VPS35L: variants seen among roughly 807,000 people sequenced by gnomAD.
VPS35L encodes the protein VPS35 endosomal protein sorting factor like.
Under a neutral mutation model 133.0 loss-of-function variants are expected in VPS35L, and 83 were observed. The ratio of observed to expected loss-of-function variants is 0.62; its 90% confidence interval spans 0.52 to 0.75. The LOEUF (loss-of-function observed/expected upper bound fraction) is 0.75. Among genes scored for constraint, VPS35L ranks in the 30% least tolerant of loss-of-function variants. VPS35L has a pLI of 0.00. For synonymous variants in VPS35L, 423 were observed against 449.9 expected (o/e 0.94, Z 0.76); for missense variants, 1,083 against 1,206.8 (o/e 0.90, Z 1.52).
chr16:19,639,713 G>A lies in VPS35L; in HGVS notation c.1699-302G>A, dbSNP rs538316769. Among the ~76,000 whole-genome samples, 3 of 152,216 alleles carry A rather than the reference G, an allele frequency of 2.0e-5. 1 individual carries two copies. The South Asian group carries it at 6.2e-4, about 32-fold the overall frequency. ...CTGGTTTATTTTTGTATTTTTAGTA[G>A]AGACAGGGTTTCGCCATGTTGGCCA... On this transcript the variant is annotated intron_variant, in intron 20 of 30. Transcript: ENST00000417362. The surrounding 1 kb of genome is among the most constrained non-coding windows in gnomAD (Gnocchi z 4.1).
intron 24 of VPS35L, 102 bp downstream of exon 24, chr16:19,647,984 C>G: frequency 5.6e-6 from 6 of 1,076,892 alleles, no homozygotes; most frequent in Non-Finnish European, 8.4e-6. Flanking sequence ...GACAGGGTCT[C>G]ACTCTGTCAC....
chr16:19,625,424 G>C (rs1249522303), intron 14 of VPS35L, among the ~76,000 whole-genome samples: 1 of 152,194 alleles, frequency 6.6e-6, no homozygotes, highest in Non-Finnish European at 1.5e-5. Flanking sequence ...GGGGAAGAAT[G>C]TGGGGTTACA....
At chr16:19,698,239 C>G (rs1020929531) in intron 29 of VPS35L, among the ~76,000 whole-genome samples, 1 of 152,140 alleles carries the variant, frequency 6.6e-6, no homozygotes, top group Non-Finnish European at 1.5e-5. Context: ...GTCTGTTGGC[C>G]AGGTGTCCTT....
intron 26 of VPS35L, among the ~76,000 whole-genome samples, chr16:19,665,658 C>T (rs748249053): frequency 2.6e-5 from 4 of 152,194 alleles, no homozygotes; most frequent in African/African-American, 4.8e-5. Flanking sequence ...GATATCTCTT[C>T]GATATACTGA....
chr16:19,670,124 A>G (rs545833253), intron 27 of VPS35L, among the ~76,000 whole-genome samples: 111 of 152,178 alleles, frequency 7.3e-4, no homozygotes, highest in African/African-American at 2.6e-3. Flanking sequence ...TCTTCCCGTT[A>G]TGTCCTCATG....
chr16:19,645,194 A>G (rs913853544), intron 23 of VPS35L, among the ~76,000 whole-genome samples: 11 of 151,906 alleles, frequency 7.2e-5, no homozygotes, highest in Admixed American at 1.3e-4. Flanking sequence ...TTCTTGGCTC[A>G]TGTGACAAAA....
intron 18 of VPS35L, among the ~76,000 whole-genome samples, chr16:19,632,247 G>A (rs1269471703): frequency 6.6e-6 from 1 of 152,200 alleles, no homozygotes; most frequent in African/African-American, 2.4e-5. Flanking sequence ...ACAGGCATGA[G>A]CCACTGCACC....
chr16:19,590,261 A>T (rs1483314904), intron 7 of VPS35L, among the ~76,000 whole-genome samples: 2 of 150,444 alleles, frequency 1.3e-5, no homozygotes, highest in Non-Finnish European at 2.9e-5. Context: ...AACAATTTAG[A>T]TGTTGGGTAA....
At chr16:19,564,473 A>C (rs1971123245) in intron 1 of VPS35L, among the ~76,000 whole-genome samples, 1 of 151,324 alleles carries the variant, frequency 6.6e-6, no homozygotes, top group South Asian at 2.1e-4. Context: ...ATCTCAGTTC[A>C]CCGTGACCTC....
rs776331654 is a variant in VPS35L, at chr16:19,575,110, G to A, written c.421G>A (p.Gly141Arg). 3.1e-6 allele frequency: 5 copies of A among 1,606,884 alleles called. No individual in the cohort carries two copies. Among genetic ancestry groups the A allele is most frequent in the Non-Finnish European group, 3.4e-6 (4 of 1,175,356 alleles). ...TATGTCTCTGCAGAATCTGTTTATGGGATCTGAAAAAGGTAAGATGAGTTT... is the reference window on the plus strand; with the variant it reads ...TATGTCTCTGCAGAATCTGTTTATGAGATCTGAAAAAGGTAAGATGAGTTT... ...TEKLSINLFM[G>R]SEKGKAGTAT... is the part of the protein sequence containing the mutation. Residue 141 changes from glycine to arginine, a missense_variant, in exon 5 of 31, where the codon GGA (glycine) becomes AGA (arginine). Gly to Arg is a moderately radical substitution (Grantham distance 125). Coordinates refer to ENST00000417362, the MANE Select transcript of VPS35L (RefSeq NM_020314.7).
At position 19,662,444 on chromosome 16, in the gene VPS35L, A is replaced by G. The variant is rs535011207; in HGVS notation, c.2222-6716A>G. Among the ~76,000 whole-genome samples the G allele has an allele frequency of 9.2e-5, 14 of 152,314 alleles. No individual in the cohort carries two copies. The East Asian group carries it at 9.6e-4, about 10-fold the overall frequency. On this transcript the variant is annotated intron_variant, in intron 26 of 30. Coordinates refer to ENST00000417362, the MANE Select transcript of VPS35L (RefSeq NM_020314.7). Reference sequence around the variant, plus strand: ...TGACACGGATATTTTGCCTGTCAGCATGGCTAAGAGGCTCTGCTGCCTGAC... The same window carrying G: ...TGACACGGATATTTTGCCTGTCAGCGTGGCTAAGAGGCTCTGCTGCCTGAC...
chr16:19,673,088 T>C (rs1481963914), intron 27 of VPS35L, among the ~76,000 whole-genome samples: 1 of 152,198 alleles, frequency 6.6e-6, no homozygotes, highest in Non-Finnish European at 1.5e-5. Context: ...TGAGGTGTCA[T>C]CACAGTGCCC....
chr16:19,608,873 C>A, intron 10 of VPS35L, 101 bp from the exon 11 acceptor site: 2 of 989,696 alleles, frequency 2.0e-6, no homozygotes, highest in Non-Finnish European at 3.1e-6. Flanking sequence ...TGGTCCCCAT[C>A]TCCTAAGACC....
chr16:19,624,078 A>G (rs1327986155), intron 14 of VPS35L, among the ~76,000 whole-genome samples: 1 of 144,536 alleles, frequency 6.9e-6, no homozygotes, highest in African/African-American at 2.6e-5. Flanking sequence ...TGCTGGGATT[A>G]CAGGCATGAG....
rs1161766779 is a variant in VPS35L, at chr16:19,638,868, G to T, written c.1699-1147G>T. On this transcript the variant is annotated intron_variant, in intron 20 of 30. Coordinates refer to ENST00000417362, the MANE Select transcript of VPS35L (RefSeq NM_020314.7). The stretch of plus-strand genomic sequence containing the variant: ...ACCTGTAAACCCAGCACTTTCAGAG[G>T]CCAAGGCAGGCAGATCACCTGAGAC... Among the ~76,000 whole-genome samples, 4 of 152,174 alleles carry T rather than the reference G, an allele frequency of 2.6e-5. No homozygotes were observed. The East Asian group carries it at 7.7e-4, about 29-fold the overall frequency.
At chr16:19,631,134 C>T (rs749233001) in intron 18 of VPS35L, among the ~76,000 whole-genome samples, 10 of 152,174 alleles carry the variant, frequency 6.6e-5, no homozygotes, top group Non-Finnish European at 8.8e-5. Flanking sequence ...CTGCCTTGAT[C>T]TTGGACTTCC....
chr16:19,640,202 C>A, intron 21 of VPS35L, 102 bp downstream of exon 21: 1 of 1,028,738 alleles, frequency 9.7e-7, no homozygotes, highest in East Asian at 2.5e-5. Flanking sequence ...GTGATGTGTA[C>A]GTATTTCATA....
intron 29 of VPS35L, among the ~76,000 whole-genome samples, chr16:19,691,933 G>C (rs1235775888): frequency 6.6e-6 from 1 of 151,572 alleles, no homozygotes; most frequent in Non-Finnish European, 1.5e-5. Flanking sequence ...GGAGTGCAGT[G>C]GCATAATCTC....
chr16:19,658,617 C>A (rs1009575131), intron 26 of VPS35L, among the ~76,000 whole-genome samples: 4 of 151,864 alleles, frequency 2.6e-5, no homozygotes, highest in Admixed American at 2.0e-4. Flanking sequence ...TGATAAAGCT[C>A]ATGCACTATG....
Sources: gnomAD v4.1 joint callset for allele counts (sites outside exome capture counted in the v4.1 genomes callset) on GRCh38, gnomAD v4.1.1 for gene constraint, Gnocchi (gnomAD v3.1) non-coding constraint, MANE v1.5 for transcripts, NCBI Gene and HGNC (gene_info 2026-07-23, HGNC 2026-07-21) for gene names.